Variants in PLXNC1 observed in about 807,000 individuals in gnomAD.
PLXNC1 encodes plexin C1.
A neutral mutation model predicts 178.2 loss-of-function variants in PLXNC1; 75 were observed. The observed-to-expected ratio is 0.42, with a 90% CI of 0.35 to 0.51. The LOEUF is 0.51. PLXNC1 is among the 20% of genes least tolerant of loss of function. PLXNC1 has a pLI of 0.02. For missense variants in PLXNC1, 1,503 were observed against 1,984.4 expected, an observed-to-expected ratio of 0.76 and a Z score of 4.61; for synonymous variants, 790 against 779.9, an observed-to-expected ratio of 1.01 and a Z score of -0.22.
chr12:94,219,996 C>G lies in PLXNC1; in HGVS notation c.1555-20C>G. The G allele has an allele frequency of 6.2e-7, 1 of 1,607,044 alleles. No individual in the cohort carries two copies. Among genetic ancestry groups the G allele is most frequent in the Non-Finnish European group, 8.5e-7 (1 of 1,175,798 alleles). The stretch of plus-strand genomic sequence containing the variant: ...ATGAGGCAAAAATCATCATTTTTTC[C>G]CCATATCTTCCCCGCACAGACTACA... On this transcript the variant is annotated intron_variant, in intron 5 of 30. Coordinates refer to ENST00000258526, the MANE Select transcript of PLXNC1 (RefSeq NM_005761.3).
At chr12:94,230,861 C>T (rs923850885) in intron 9 of PLXNC1, among the ~76,000 whole-genome samples, 14 of 152,142 alleles carry the variant, frequency 9.2e-5, no homozygotes, top group African/African-American at 2.2e-4. Flanking sequence ...CTGTCCTAGG[C>T]GTCTAGGATC....
In PLXNC1 at chr12:94,205,322, C is replaced by T. The variant is rs567672995; in HGVS notation, c.1440-4268C>T. ...AAATTTAAAAGTCGATCCAGCTGGG[C>T]GCTGTTCCCACACTACCAGCTGAGC... On this transcript the variant is annotated intron_variant, in intron 4 of 30. Coordinates refer to ENST00000258526, the MANE Select transcript of PLXNC1 (RefSeq NM_005761.3). Among the ~76,000 whole-genome samples, 11 of 152,200 alleles carry T rather than the reference C, an allele frequency of 7.2e-5. No individual in the cohort carries two copies. The East Asian group carries it at 7.7e-4, about 11-fold the overall frequency.
In PLXNC1 at chr12:94,227,027, A is replaced by T. The variant is rs911429180; in HGVS notation, c.1894-122A>T. On this transcript the variant is annotated intron_variant, in intron 8 of 30. Transcript: ENST00000258526. Reference sequence around the variant, plus strand: ...TGACAGAGTGAGACTCCGTCTCAAAAAAAAAAGGTTTAACCAAAAATAAAT... The same window carrying T: ...TGACAGAGTGAGACTCCGTCTCAAATAAAAAAGGTTTAACCAAAAATAAAT... The T allele has an allele frequency of 2.6e-5, 19 of 732,028 alleles. No homozygotes were observed. The Admixed American group carries it at 3.1e-4, about 12-fold the overall frequency. 45.3% of individuals were successfully genotyped at this position (732,028 alleles called of 1,614,324 possible).
intron 21 of PLXNC1, among the ~76,000 whole-genome samples, chr12:94,271,863 G>C (rs917890236): frequency 1.3e-5 from 2 of 152,142 alleles, no homozygotes; most frequent in African/African-American, 4.8e-5. Flanking sequence ...TGTGGGATGT[G>C]GGGGAGTTGA....
chr12:94,177,513 A>G (rs1049489451), intron 2 of PLXNC1, among the ~76,000 whole-genome samples: 24 of 129,480 alleles, frequency 1.9e-4, no homozygotes, highest in Non-Finnish European at 3.2e-4. Context: ...CAAAGAAAGA[A>G]AGAGAGAGAG....
chr12:94,165,900 G>A (rs1961589722), intron 1 of PLXNC1, among the ~76,000 whole-genome samples: 1 of 151,966 alleles, frequency 6.6e-6, no homozygotes, highest in South Asian at 2.1e-4. Context: ...GAGGGAAGAG[G>A]GCAAACGGGT....
At chr12:94,184,154 T>C (rs371122506) in intron 3 of PLXNC1, among the ~76,000 whole-genome samples, 1 of 151,552 alleles carries the variant, frequency 6.6e-6, no homozygotes, top group East Asian at 1.9e-4. Context: ...TCTTGCTCTG[T>C]CACCCAGCCT....
intron 4 of PLXNC1, among the ~76,000 whole-genome samples, chr12:94,186,983 T>C (rs948483720): frequency 3.3e-5 from 5 of 152,236 alleles, no homozygotes; most frequent in African/African-American, 9.6e-5. Context: ...CTGCCCAGCC[T>C]GGTCTGGAAT....
intron 4 of PLXNC1, among the ~76,000 whole-genome samples, chr12:94,192,433 T>C (rs1962761723): frequency 6.6e-6 from 1 of 151,594 alleles, no homozygotes; most frequent in South Asian, 2.1e-4. Flanking sequence ...GGGGATATAA[T>C]GTGTATCAGT....
chr12:94,281,740 T>G (rs1236827767), intron 22 of PLXNC1: 2 of 153,454 alleles, frequency 1.3e-5, no homozygotes, highest in Non-Finnish European at 2.9e-5. Flanking sequence ...TCTTTTAATC[T>G]TTAAATGTTG....
intron 6 of PLXNC1, among the ~76,000 whole-genome samples, chr12:94,221,583 G>C (rs1963797518): frequency 6.6e-6 from 1 of 152,180 alleles, no homozygotes; most frequent in African/African-American, 2.4e-5. Flanking sequence ...TTTATGGTGA[G>C]AGCTGGAGTT....
chr12:94,263,186 C>A lies in PLXNC1; in HGVS notation c.3451-1893C>A, dbSNP rs574540401. 5.9e-5 allele frequency among the ~76,000 whole-genome samples: 9 copies of A among 152,234 alleles called. No individual in the cohort carries two copies. The South Asian group carries it at 1.9e-3, about 32-fold the overall frequency. ...CCCCAAATCAGCCACACATCAGAAT[C>A]CTCCTCCCCCACCGCCTCCCCGCCC... On this transcript the variant is annotated intron_variant, in intron 20 of 30. Transcript: ENST00000258526.
At chr12:94,203,646 C>A (rs138145858) in intron 4 of PLXNC1, among the ~76,000 whole-genome samples, 104 of 152,262 alleles carry the variant, frequency 6.8e-4, no homozygotes, top group Non-Finnish European at 1.1e-3. Context: ...TGCTAACTAA[C>A]CTCTCTGCAC....
At chr12:94,268,216 TC>T (rs1224320600) in intron 21 of PLXNC1, among the ~76,000 whole-genome samples, 1 of 152,216 alleles carries the variant, frequency 6.6e-6, no homozygotes, top group East Asian at 1.9e-4. Flanking sequence ...GGATGTGTTC[TC>T]CCTGAGGTGT....
intron 4 of PLXNC1, among the ~76,000 whole-genome samples, chr12:94,199,225 A>G (rs571855758): frequency 6.6e-6 from 1 of 152,304 alleles, no homozygotes; most frequent in African/African-American, 2.4e-5. Context: ...ATGGCCGACA[A>G]TTTGAGACAG....
Position 94,158,715 on chromosome 12 carries a change from C to T in PLXNC1, c.1062+8682C>T, listed in dbSNP as rs561888739. ...GCTTGGGAGTCTGAGACAGGGAGATCGCTTGAGCCCGGGAGTTAAAATCCA... is the reference window on the plus strand; with the variant it reads ...GCTTGGGAGTCTGAGACAGGGAGATTGCTTGAGCCCGGGAGTTAAAATCCA... On this transcript the variant is annotated intron_variant, in intron 1 of 30. Transcript: ENST00000258526. 4.6e-5 allele frequency among the ~76,000 whole-genome samples: 7 copies of T among 152,272 alleles called. No individual in the cohort carries two copies. The East Asian group carries it at 7.7e-4, about 17-fold the overall frequency.
chr12:94,233,063 G>A lies in PLXNC1; in HGVS notation c.1981-4601G>A, dbSNP rs534398436. On this transcript the variant is annotated intron_variant, in intron 9 of 30. Transcript: ENST00000258526. ...CATTAGACTGTCAAAGCCTGCCCCC[G>A]ATCCATGCCACACATGTAGGGTGGG... Among the ~76,000 whole-genome samples the A allele has an allele frequency of 8.4e-4, 128 of 152,268 alleles. 2 individuals are homozygous for A. The highest frequency in any genetic ancestry group is 4.8e-3 in the Admixed American group (74 of 15,298).
chr12:94,283,960 G>A lies in PLXNC1; in HGVS notation c.3879+1559G>A, dbSNP rs555468186. Reference sequence around the variant, plus strand: ...TAGCCGGGCATGGTGGTGCACATCTGTAATCCCAGCTACTTGGGAGGCTGA... The same window carrying A: ...TAGCCGGGCATGGTGGTGCACATCTATAATCCCAGCTACTTGGGAGGCTGA... On this transcript the variant is annotated intron_variant, in intron 23 of 30. Coordinates refer to ENST00000258526, the MANE Select transcript of PLXNC1 (RefSeq NM_005761.3). 4.5e-4 allele frequency among the ~76,000 whole-genome samples: 68 copies of A among 152,240 alleles called. 1 individual carries two copies. In the South Asian group the frequency reaches 0.013, roughly 29 times the overall value.
chr12:94,234,695 C>G (rs1964195145), intron 9 of PLXNC1, among the ~76,000 whole-genome samples: 1 of 152,152 alleles, frequency 6.6e-6, no homozygotes, highest in African/African-American at 2.4e-5. Flanking sequence ...CGATAGGGCT[C>G]TAAGAATTTG....
Sources: gnomAD v4.1 joint callset for allele counts (sites outside exome capture counted in the v4.1 genomes callset) on GRCh38, gnomAD v4.1.1 for gene constraint, MANE v1.5 for transcripts, NCBI Gene and HGNC (gene_info 2026-07-23, HGNC 2026-07-21) for gene names.